Variants in ASIC2 observed in about 807,000 individuals in gnomAD.
The protein encoded by ASIC2 is acid-sensing ion channel 2.
A neutral mutation model predicts 57.3 loss-of-function variants in ASIC2; 25 were observed. That is an observed-to-expected ratio of 0.44 (90% CI 0.32 to 0.61). The LOEUF is 0.61. Ranked by LOEUF, ASIC2 falls within the 20% of genes least tolerant of loss-of-function variation. The pLI is 0.06. For missense variants in ASIC2, 641 were observed against 738.1 expected (o/e 0.87, Z 1.52); for synonymous variants, 319 against 307.5 (o/e 1.04, Z -0.39).
At chr17:33,270,557 C>G (rs1904443826) in intron 1 of ASIC2, among the ~76,000 whole-genome samples, 2 of 152,226 alleles carry the variant, frequency 1.3e-5, no homozygotes, top group Admixed American at 1.3e-4. Context: ...TGGGTTTCAT[C>G]TAGCCTGCAT....
chr17:33,292,046 G>T lies in ASIC2; in HGVS notation c.70C>A (p.Arg24Ser). The T allele has an allele frequency of 8.8e-7, 1 of 1,141,572 alleles. No individual in the cohort carries two copies. The highest frequency in any genetic ancestry group is 1.1e-6 in the Non-Finnish European group (1 of 936,046). The allele number at this position is 1,141,572 out of a possible 1,614,324, so 70.7% of individuals were successfully genotyped here. Reference protein sequence around the residue: ...LTGPGRFRMAREEPAPAALAA... With the variant: ...LTGPGRFRMASEEPAPAALAA... ...AACGCCGCGGGCGCCGGCTCCTCGC[G>T]GGCCATGCGGAAGCGTCCCGGGCCG... is the stretch of plus-strand genomic sequence containing the variant. Residue 24 changes from arginine (R) to serine (S), a missense_variant, in exon 1 of 10, where the codon CGC becomes AGC. Arg to Ser is a moderately radical substitution (Grantham distance 110). Coordinates refer to ENST00000225823, the MANE Select transcript of ASIC2 (RefSeq NM_183377.2).
intron 1 of ASIC2, among the ~76,000 whole-genome samples, chr17:33,413,429 A>G (rs546288117): frequency 6.6e-6 from 1 of 152,254 alleles, no homozygotes; most frequent in South Asian, 2.1e-4. Flanking sequence ...AATACAGTCA[A>G]TTTTACCTCC....
At chr17:33,583,444 A>C (rs1248985594) in intron 1 of ASIC2, among the ~76,000 whole-genome samples, 1 of 152,162 alleles carries the variant, frequency 6.6e-6, no homozygotes, top group Non-Finnish European at 1.5e-5. Context: ...CCTAGAAGAG[A>C]AGTTGCTTCG....
intron 3 of ASIC2, among the ~76,000 whole-genome samples, chr17:33,075,709 G>A (rs888318577): frequency 2.6e-5 from 4 of 152,146 alleles, no homozygotes; most frequent in African/African-American, 7.2e-5. Context: ...AACACCAGCT[G>A]AGCCCCTACT....
chr17:33,987,253 C>G (rs1905850350), intron 1 of ASIC2, among the ~76,000 whole-genome samples: 1 of 152,208 alleles, frequency 6.6e-6, no homozygotes, highest in Non-Finnish European at 1.5e-5. Context: ...CCTCACTATG[C>G]TCTGGTGCTC....
chr17:33,853,457 A>G (rs8080166), intron 1 of ASIC2, among the ~76,000 whole-genome samples: 4,963 of 152,260 alleles, frequency 0.033, 269 homozygotes, highest in African/African-American at 0.11. Context: ...TTCACAAAGA[A>G]ACTGTGCAAG....
chr17:33,421,763 C>A (rs1486822887), intron 1 of ASIC2, among the ~76,000 whole-genome samples: 1 of 152,234 alleles, frequency 6.6e-6, no homozygotes, highest in East Asian at 1.9e-4. Flanking sequence ...ATGTGACAGC[C>A]CATGCTGTTC....
In ASIC2 at chr17:33,023,926, C is replaced by T. The variant is rs757228222; in HGVS notation, c.1284G>A (p.Lys428=). 2.4e-5 allele frequency: 39 copies of T among 1,614,076 alleles called. 1 individual carries two copies. In the South Asian group the frequency reaches 4.3e-4, roughly 18 times the overall value. The change falls in exon 6 of 10, where the codon AAG becomes AAA. Residue 428 remains lysine, a synonymous_variant. Coordinates refer to ENST00000225823, the MANE Select transcript of ASIC2 (RefSeq NM_183377.2). ...TRYNKELSMV[K]IPSKTSAKYL... ...ACTTGGCTGATGTCTTGCTGGGGATCTTCACCATGGAGAGCTCTTTGTTGT... is the reference window on the plus strand; with the variant it reads ...ACTTGGCTGATGTCTTGCTGGGGATTTTCACCATGGAGAGCTCTTTGTTGT...
intron 1 of ASIC2, among the ~76,000 whole-genome samples, chr17:34,018,372 CAA>C (rs1160038965): frequency 6.6e-6 from 1 of 152,138 alleles, no homozygotes; most frequent in African/African-American, 2.4e-5. Flanking sequence ...TCTGGTGACC[CAA>C]GAGTTCTGAT....
intron 1 of ASIC2, among the ~76,000 whole-genome samples, chr17:33,358,219 G>A (rs1015784456): frequency 7.2e-5 from 11 of 152,194 alleles, no homozygotes; most frequent in Admixed American, 5.2e-4. Context: ...ATGTTCATTT[G>A]TTTGTATATA....
chr17:33,868,591 A>G (rs566297630), intron 1 of ASIC2, among the ~76,000 whole-genome samples: 3 of 152,220 alleles, frequency 2.0e-5, no homozygotes, highest in Non-Finnish European at 4.4e-5. Context: ...AACAAAAGAA[A>G]AAATAGATTG....
chr17:33,535,966 C>G lies in ASIC2; in HGVS notation c.556-423899G>C, dbSNP rs191663965. 5.1e-3 allele frequency among the ~76,000 whole-genome samples: 779 copies of G among 152,276 alleles called. 5 individuals carry two copies. Among genetic ancestry groups the G allele is most frequent in the Middle Eastern group, 0.044 (13 of 294 alleles). ...ATTTGATATAGCAGCCAGCCTTATC[C>G]TGACTAATACAGAAGAGTCTTGTTT... On this transcript the variant is annotated intron_variant, in intron 1 of 9. Coordinates refer to the ASIC2 transcript ENST00000359872.
At chr17:34,132,371 G>T (rs561306141) in intron 1 of ASIC2, among the ~76,000 whole-genome samples, 3 of 152,306 alleles carry the variant, frequency 2.0e-5, no homozygotes, top group African/African-American at 7.2e-5. Flanking sequence ...TGGAAGGACA[G>T]GTAGACGGGT....
chr17:33,115,404 G>A (rs558102882), intron 1 of ASIC2, among the ~76,000 whole-genome samples: 8 of 152,252 alleles, frequency 5.3e-5, no homozygotes, highest in South Asian at 2.1e-4. Flanking sequence ...GTTGCATTTA[G>A]GATGAAGCCC....
intron 1 of ASIC2, among the ~76,000 whole-genome samples, chr17:33,244,526 C>T (rs1908623309): frequency 6.6e-6 from 1 of 152,194 alleles, no homozygotes; most frequent in Non-Finnish European, 1.5e-5. Flanking sequence ...AGATGTTTGA[C>T]TAAAATGTTT....
intron 1 of ASIC2, among the ~76,000 whole-genome samples, chr17:33,276,343 A>G (rs927541308): frequency 2.0e-5 from 3 of 152,260 alleles, no homozygotes; most frequent in African/African-American, 7.2e-5. Context: ...TGGTTTGCAA[A>G]CAGCCTTAGC....
chr17:33,532,700 A>T (rs1278658261), intron 1 of ASIC2, among the ~76,000 whole-genome samples: 8 of 152,176 alleles, frequency 5.3e-5, no homozygotes, highest in Admixed American at 4.6e-4. Context: ...CTCAGCTCAG[A>T]CCTGCATCAT....
intron 1 of ASIC2, among the ~76,000 whole-genome samples, chr17:33,414,928 G>A (rs114490370): frequency 0.016 from 2,408 of 152,256 alleles, 32 homozygotes; most frequent in African/African-American, 0.038. Flanking sequence ...CATGCAGTTT[G>A]GTTTCCCAAC....
At chr17:33,505,810 C>T (rs1054242486) in intron 1 of ASIC2, among the ~76,000 whole-genome samples, 6 of 152,234 alleles carry the variant, frequency 3.9e-5, no homozygotes, top group African/African-American at 1.4e-4. Flanking sequence ...GACATAGCCT[C>T]TTAAGGGAAG....
Sources: gnomAD v4.1 joint callset for allele counts (sites outside exome capture counted in the v4.1 genomes callset) on GRCh38, gnomAD v4.1.1 for gene constraint, MANE v1.5 for transcripts, NCBI Gene and HGNC (gene_info 2026-07-23, HGNC 2026-07-21) for gene names.